Variants in ZNF709 observed in about 807,000 individuals in gnomAD.
ZNF709 encodes zinc finger protein 709.
ZNF709 carries 15 observed loss-of-function variants against 10.6 expected under a neutral mutation model. The observed-to-expected ratio is 1.41, with a 90% CI of 0.95 to 2.18. The LOEUF is 2.18. Among genes scored for constraint, ZNF709 ranks in the 30% most tolerant of loss-of-function variants. The probability of loss-of-function intolerance (pLI) is 0.00; values close to 1 mark genes in which losing one functional copy is unlikely to be tolerated. For synonymous variants in ZNF709, 194 were observed against 238.8 expected (o/e 0.81, Z 1.73); for missense variants, 589 against 774.0 (o/e 0.76, Z 2.84).
In ZNF709 at chr19:12,464,839, A is replaced by C. The variant is rs1437386519; in HGVS notation, c.1083T>G (p.Asn361Lys). Reference sequence around the variant, plus strand: ...CACATTCCTTGCATTTATAAGGTCCATTTCCAGTGTGCATTATCATATGTC... The same window carrying C: ...CACATTCCTTGCATTTATAAGGTCCCTTTCCAGTGTGCATTATCATATGTC... ...YRRHMIMHTG[N>K]GPYKCKECGK... The change falls in exon 4 of 4, where the codon AAT becomes AAG. Residue 361 changes from asparagine to lysine, a missense_variant. Asn to Lys is a moderately conservative substitution (Grantham distance 94). Coordinates refer to ENST00000397732, the MANE Select transcript of ZNF709 (RefSeq NM_152601.4). The C allele has an allele frequency of 1.9e-6, 3 of 1,613,692 alleles. No homozygotes were observed. Among genetic ancestry groups the C allele is most frequent in the Non-Finnish European group, 2.5e-6 (3 of 1,179,862 alleles).
At chr19:12,475,392 TC>T (rs2145001736) in intron 1 of ZNF709, among the ~76,000 whole-genome samples, 1 of 152,152 alleles carries the variant, frequency 6.6e-6, no homozygotes, top group East Asian at 1.9e-4. Flanking sequence ...CAAAGGTGTT[TC>T]TTTGAAAAGA....
intron 1 of ZNF709, among the ~76,000 whole-genome samples, chr19:12,477,683 G>A (rs1212397277): frequency 6.6e-6 from 1 of 152,154 alleles, no homozygotes; most frequent in Non-Finnish European, 1.5e-5. Context: ...AATTAATACA[G>A]AACCTATGAT....
chr19:12,481,924 A>G (rs1034513021), intron 1 of ZNF709, among the ~76,000 whole-genome samples: 6 of 142,860 alleles, frequency 4.2e-5, no homozygotes, highest in East Asian at 2.0e-4. Flanking sequence ...AAAAAAAAAA[A>G]GGGAAGGAAG....
At chr19:12,471,823 T>C (rs952831818) in intron 1 of ZNF709, among the ~76,000 whole-genome samples, 1 of 152,216 alleles carries the variant, frequency 6.6e-6, no homozygotes, top group Non-Finnish European at 1.5e-5. Context: ...TAAATGTGAA[T>C]AATATAATTA....
chr19:12,468,481 G>A (rs545964387), intron 1 of ZNF709, among the ~76,000 whole-genome samples: 19 of 152,048 alleles, frequency 1.2e-4, no homozygotes, highest in African/African-American at 4.3e-4. Flanking sequence ...TTGGTAAACA[G>A]ATGCTTGAAG....
Position 12,484,675 on chromosome 19 carries a change from G to C in ZNF709, c.-18C>G. On this transcript the variant is annotated 5_prime_UTR_variant, in exon 1 of 4. Coordinates refer to ENST00000397732, the MANE Select transcript of ZNF709 (RefSeq NM_152601.4). ...CTTACCATTTCCCAGACTCTGGGAT[G>C]TCCTGGTGTTCTGTTTACCTCTCCC... 1 of 1,613,996 alleles carries C rather than the reference G, an allele frequency of 6.2e-7. No homozygotes were observed. Among genetic ancestry groups the C allele is most frequent in the Admixed American group, 1.7e-5 (1 of 60,024 alleles).
intron 1 of ZNF709, among the ~76,000 whole-genome samples, chr19:12,484,336 G>C (rs1470891554): frequency 6.6e-6 from 1 of 152,190 alleles, no homozygotes; most frequent in African/African-American, 2.4e-5. Context: ...ACCGAGACGG[G>C]ATTCCCTCCA....
intron 1 of ZNF709, among the ~76,000 whole-genome samples, chr19:12,483,835 A>T (rs1204096961): frequency 6.6e-6 from 1 of 152,134 alleles, no homozygotes; most frequent in Non-Finnish European, 1.5e-5. Flanking sequence ...AAGCCCAGGG[A>T]GGGGAAGTGC....
At chr19:12,479,075 G>A (rs374862666) in intron 1 of ZNF709, among the ~76,000 whole-genome samples, 1 of 152,204 alleles carries the variant, frequency 6.6e-6, no homozygotes, top group South Asian at 2.1e-4. Context: ...GGCTGAGGCA[G>A]GAGGATTGCC....
At position 12,466,452 on chromosome 19, in the gene ZNF709, T is replaced by C. The variant is rs1970571460; in HGVS notation, c.188+10A>G. The C allele has an allele frequency of 6.2e-7, 1 of 1,613,166 alleles. No individual in the cohort carries two copies. Among genetic ancestry groups the C allele is most frequent in the Admixed American group, 1.7e-5 (1 of 59,990 alleles). On this transcript the variant is annotated intron_variant, in intron 3 of 3. Coordinates refer to ENST00000397732, the MANE Select transcript of ZNF709 (RefSeq NM_152601.4). ...ATAAGACAGTATTTTCTTTTGTAAGTACAACTCACCTTAGCTTTCTCCCCT... is the reference window on the plus strand; with the variant it reads ...ATAAGACAGTATTTTCTTTTGTAAGCACAACTCACCTTAGCTTTCTCCCCT...
intron 1 of ZNF709, among the ~76,000 whole-genome samples, chr19:12,483,231 C>T (rs1388778108): frequency 1.3e-5 from 2 of 152,030 alleles, no homozygotes; most frequent in Non-Finnish European, 2.9e-5. Context: ...GCCTCAACTT[C>T]CCAGGCTCAA....
chr19:12,467,713 G>T (rs943853758), intron 1 of ZNF709, among the ~76,000 whole-genome samples: 5 of 150,296 alleles, frequency 3.3e-5, no homozygotes, highest in African/African-American at 1.2e-4. Flanking sequence ...TCTGCCCGGC[G>T]GCCCATCGTC....
At position 12,463,813 on chromosome 19, in the gene ZNF709, G is replaced by A. The variant is rs544023872; in HGVS notation, c.*183C>T. On this transcript the variant is annotated 3_prime_UTR_variant, in exon 4 of 4. Transcript: ENST00000397732. ...ATGGTCGTTCACACCTGTTGTCCCA[G>A]CTACTCAGGAAGCTGAGGCAGGAGA... 7.5e-5 allele frequency: 33 copies of A among 442,116 alleles called. No homozygotes were observed. Among genetic ancestry groups the A allele is most frequent in the Admixed American group, 2.4e-4 (6 of 25,006 alleles). The allele number at this position is 442,116 out of a possible 1,614,324, so 27.4% of individuals were successfully genotyped here. A position where few individuals can be genotyped will look rare whatever the true frequency, so the allele number is the denominator to read the frequency against.
chr19:12,465,683 C>G lies in ZNF709; in HGVS notation c.239G>C (p.Gly80Ala). 6.2e-7 allele frequency: 1 copy of G among 1,607,852 alleles called. No homozygotes were observed. ...LCERKEGSQF[G>A]ETISQTPNPK... ...ATTTGGAGTCTGACTGATGGTTTCTCCAAACTGACTACCTTCTTTCCTTTC... is the reference window on the plus strand; with the variant it reads ...ATTTGGAGTCTGACTGATGGTTTCTGCAAACTGACTACCTTCTTTCCTTTC... Residue 80 changes from glycine (G) to alanine (A), a missense_variant, in exon 4 of 4, where the codon GGA becomes GCA. Around this residue, in one of 2 missense-constraint regions of ZNF709, gnomAD observed 418 missense variants for 496.3 expected, o/e 0.84. Transcript: ENST00000397732.
At position 12,462,855 on chromosome 19, in the gene ZNF709, CA is replaced by C. The variant is rs1599630161; in HGVS notation, c.*1140del. 1 of 152,224 alleles carries C rather than the reference CA, an allele frequency of 6.6e-6. No homozygotes were observed. The highest frequency in any genetic ancestry group is 1.9e-4 in the East Asian group (1 of 5,190). The allele number at this position is 152,224 out of a possible 1,614,324, so 9.4% of individuals were successfully genotyped here. ...TCTAACAGACTTCAATATGGAAAGACAAAATTTCAGAAACTGATTTAATGAA... is the reference window on the plus strand; with the variant it reads ...TCTAACAGACTTCAATATGGAAAGACAAATTTCAGAAACTGATTTAATGAA... On this transcript the variant is annotated 3_prime_UTR_variant, in exon 4 of 4. Coordinates refer to ENST00000397732, the MANE Select transcript of ZNF709 (RefSeq NM_152601.4).
At position 12,480,435 on chromosome 19, in the gene ZNF709, G is replaced by A. The variant is rs140195343; in HGVS notation, c.3+4220C>T. 3.9e-3 allele frequency among the ~76,000 whole-genome samples: 597 copies of A among 152,290 alleles called. 2 individuals carry two copies. The highest frequency in any genetic ancestry group is 0.014 in the African/African-American group (567 of 41,552). On this transcript the variant is annotated intron_variant, in intron 1 of 3. Coordinates refer to ENST00000397732, the MANE Select transcript of ZNF709 (RefSeq NM_152601.4). ...GCAGTGGCTCACGCCTGTAATCCCA[G>A]CACTTTGGGAGGCCGAGGCGGGTGG... is the stretch of plus-strand genomic sequence containing the variant.
chr19:12,470,117 A>T (rs1463677970), intron 1 of ZNF709, among the ~76,000 whole-genome samples: 1 of 152,094 alleles, frequency 6.6e-6, no homozygotes, highest in Non-Finnish European at 1.5e-5. Flanking sequence ...CATCCTCCCA[A>T]CGTCTCTCAT....
chr19:12,468,666 C>G (rs1332054625), intron 1 of ZNF709, among the ~76,000 whole-genome samples: 2 of 140,946 alleles, frequency 1.4e-5, no homozygotes, highest in Non-Finnish European at 3.0e-5. Flanking sequence ...TCCCCCTCTG[C>G]GAGAAACACC....
chr19:12,479,889 G>A (rs747018560), intron 1 of ZNF709, among the ~76,000 whole-genome samples: 10 of 152,092 alleles, frequency 6.6e-5, no homozygotes, highest in South Asian at 4.2e-4. Flanking sequence ...ACTGAATCCA[G>A]CTGGGTGTGG....
Sources: allele counts gnomAD v4.1 joint callset (sites outside exome capture counted in the v4.1 genomes callset), GRCh38; gene constraint gnomAD v4.1.1; regional missense constraint gnomAD v4.1.1; transcripts MANE v1.5; gene names NCBI Gene and HGNC (gene_info 2026-07-23, HGNC 2026-07-21).